SLC4A10: variants seen among roughly 807,000 people sequenced by gnomAD.
The protein encoded by SLC4A10 is solute carrier family 4 member 10, also known as sodium-driven chloride bicarbonate exchanger.
SLC4A10 carries 42 observed loss-of-function variants against 137.7 expected under a neutral mutation model. That is an observed-to-expected ratio of 0.30 (90% CI 0.24 to 0.39). The LOEUF (loss-of-function observed/expected upper bound fraction) is 0.39. Ranked by LOEUF, SLC4A10 falls within the 10% of genes least tolerant of loss-of-function variation. SLC4A10 has a pLI of 1.00. For missense variants in SLC4A10, 925 were observed against 1,355.0 expected, an observed-to-expected ratio of 0.68 and a Z score of 4.98; for synonymous variants, 474 against 464.1, an observed-to-expected ratio of 1.02 and a Z score of -0.27.
intron 10 of SLC4A10, among the ~76,000 whole-genome samples, chr2:161,887,936 A>C (rs534997370): frequency 6.6e-6 from 1 of 152,306 alleles, no homozygotes; most frequent in East Asian, 1.9e-4. Flanking sequence ...TTAGGGCTTT[A>C]GGTCTTACAT....
intron 1 of SLC4A10, among the ~76,000 whole-genome samples, chr2:161,706,821 G>T (rs1211234936): frequency 6.6e-6 from 1 of 151,532 alleles, no homozygotes; most frequent in African/African-American, 2.4e-5. Context: ...CTTCCCTAAG[G>T]AAATCTTTTC....
intron 2 of SLC4A10, among the ~76,000 whole-genome samples, chr2:161,779,157 G>A (rs993266710): frequency 6.6e-6 from 1 of 151,884 alleles, no homozygotes; most frequent in African/African-American, 2.4e-5. Context: ...AAATATCCTT[G>A]CTTTATAACA....
intron 24 of SLC4A10, among the ~76,000 whole-genome samples, chr2:161,974,727 A>T (rs537943435): frequency 6.6e-6 from 1 of 152,202 alleles, no homozygotes; most frequent in African/African-American, 2.4e-5. Context: ...TTCCAATGAC[A>T]TAATCTATTT....
intron 1 of SLC4A10, among the ~76,000 whole-genome samples, chr2:161,648,696 C>T (rs2036397914): frequency 6.6e-6 from 1 of 152,184 alleles, no homozygotes; most frequent in Non-Finnish European, 1.5e-5. Flanking sequence ...AGGGATAATA[C>T]ATAACATTGA....
chr2:161,745,485 A>G (rs1156786372), intron 1 of SLC4A10, among the ~76,000 whole-genome samples: 2 of 152,096 alleles, frequency 1.3e-5, no homozygotes, highest in Non-Finnish European at 2.9e-5. Flanking sequence ...CTTGCATTTC[A>G]TTGAGCTTCC....
At chr2:161,968,231 C>T (rs1021936426) in intron 23 of SLC4A10, among the ~76,000 whole-genome samples, 1 of 152,120 alleles carries the variant, frequency 6.6e-6, no homozygotes, top group Non-Finnish European at 1.5e-5. Context: ...TTGCCATTCC[C>T]ACTGCCCAGA....
chr2:161,685,635 C>CAA (rs201910372), intron 1 of SLC4A10, among the ~76,000 whole-genome samples: 6 of 67,988 alleles, frequency 8.8e-5, no homozygotes, highest in African/African-American at 3.3e-4. Flanking sequence ...AACAAACAAA[C>CAA]AAAAAAAAAA....
At chr2:161,646,721 A>G (rs910885967) in intron 1 of SLC4A10, among the ~76,000 whole-genome samples, 3 of 152,036 alleles carry the variant, frequency 2.0e-5, no homozygotes, top group African/African-American at 7.2e-5. Flanking sequence ...TAAGATTATA[A>G]CTAGAAAATT....
At chr2:161,804,070 A>G (rs998615620) in intron 2 of SLC4A10, among the ~76,000 whole-genome samples, 2 of 152,168 alleles carry the variant, frequency 1.3e-5, no homozygotes, top group Non-Finnish European at 2.9e-5. Context: ...ATTTTTTAAA[A>G]ACACTTAACT....
chr2:161,970,167 A>T (rs1179795415), intron 23 of SLC4A10, among the ~76,000 whole-genome samples: 1 of 152,180 alleles, frequency 6.6e-6, no homozygotes, highest in African/African-American at 2.4e-5. Flanking sequence ...AAATACAAGG[A>T]TACTCTATCA....
At chr2:161,957,546 T>C (rs1394151999) in intron 20 of SLC4A10, among the ~76,000 whole-genome samples, 2 of 152,214 alleles carry the variant, frequency 1.3e-5, no homozygotes, top group Non-Finnish European at 2.9e-5. Context: ...TCTGACTGAC[T>C]TGTGACCCGA....
At chr2:161,928,024 A>G (rs1361495236) in intron 15 of SLC4A10, among the ~76,000 whole-genome samples, 1 of 150,810 alleles carries the variant, frequency 6.6e-6, no homozygotes, top group East Asian at 1.9e-4. Context: ...ATTACTGGGT[A>G]TATACCCAAA....
At chr2:161,904,999 TG>T (rs1684009639) in intron 14 of SLC4A10, 90 bp downstream of exon 14, 10 of 1,328,862 alleles carry the variant, frequency 7.5e-6, no homozygotes, top group Non-Finnish European at 8.2e-6. Context: ...GGAGGTCTGT[TG>T]ATAGAGACAG....
chr2:161,646,940 G>A lies in SLC4A10; in HGVS notation c.48+22374G>A, dbSNP rs1282922331. Among the ~76,000 whole-genome samples the A allele has an allele frequency of 3.3e-5, 5 of 151,972 alleles. No individual in the cohort carries two copies. In the South Asian group the frequency reaches 1.0e-3, roughly 31 times the overall value. ...TTATCTTAGTTACGAAGAGTTTTAT[G>A]AGAGCATAATTTCTAACTTTTCCTC... On this transcript the variant is annotated intron_variant, in intron 1 of 26. Transcript: ENST00000446997.
chr2:161,937,288 G>A (rs2077859), intron 15 of SLC4A10, among the ~76,000 whole-genome samples: 10,195 of 152,142 alleles, frequency 0.067, 443 homozygotes, highest in East Asian at 0.13. Flanking sequence ...ACAAACCAAA[G>A]GCTATTTAGT....
chr2:161,894,935 T>C (rs1386323455), intron 11 of SLC4A10, 110 bp downstream of exon 11: 36 of 638,894 alleles, frequency 5.6e-5, no homozygotes, highest in South Asian at 7.3e-5. Flanking sequence ...TATTATACTT[T>C]AAGTTTTAGG....
At position 161,974,323 on chromosome 2, in the gene SLC4A10, C is replaced by G. The variant is rs1286297258; in HGVS notation, c.3227+7C>G. Reference sequence around the variant, plus strand: ...CATTGGAAGGGCACTATAGGTAAGACATAAATTTAAAAACACATCAATTAA... The same window carrying G: ...CATTGGAAGGGCACTATAGGTAAGAGATAAATTTAAAAACACATCAATTAA... On this transcript the variant is annotated splice_region_variant and intron_variant, in intron 24 of 26. Transcript: ENST00000446997. 1 of 1,593,852 alleles carries G rather than the reference C, an allele frequency of 6.3e-7. No homozygotes were observed. Among genetic ancestry groups the G allele is most frequent in the Non-Finnish European group, 8.5e-7 (1 of 1,170,056 alleles).
intron 2 of SLC4A10, among the ~76,000 whole-genome samples, chr2:161,781,428 A>G (rs2053002889): frequency 6.6e-6 from 1 of 152,074 alleles, no homozygotes; most frequent in African/African-American, 2.4e-5. Flanking sequence ...AAAATGTTCT[A>G]TATAAAAACT....
intron 1 of SLC4A10, among the ~76,000 whole-genome samples, chr2:161,704,275 TATAA>T (rs1352357689): frequency 1.3e-5 from 2 of 151,716 alleles, no homozygotes; most frequent in Non-Finnish European, 1.5e-5. Flanking sequence ...TTTAGCCCAG[TATAA>T]ATAAAGTGTG....
Sources: allele counts gnomAD v4.1 joint callset (sites outside exome capture counted in the v4.1 genomes callset), GRCh38; gene constraint gnomAD v4.1.1; transcripts MANE v1.5; gene names NCBI Gene and HGNC (gene_info 2026-07-23, HGNC 2026-07-21).